Variants in DIAPH2 observed in about 807,000 individuals in gnomAD.
DIAPH2 encodes diaphanous related formin 2.
A neutral mutation model predicts 92.7 loss-of-function variants in DIAPH2; 35 were observed. The ratio of observed to expected loss-of-function variants is 0.38; its 90% CI spans 0.29 to 0.50. The LOEUF is 0.50. Among genes scored for constraint, DIAPH2 ranks in the 20% least tolerant of loss-of-function variants. The pLI is 0.94. For synonymous variants in DIAPH2, 301 were observed against 280.4 expected (o/e 1.07, Z -0.73); for missense variants, 701 against 819.5 (o/e 0.86, Z 1.77).
chrX:96,832,633 A>G (rs1174358658), intron 4 of DIAPH2, among the ~76,000 whole-genome samples: 2 of 111,341 alleles, frequency 1.8e-5, no homozygotes, highest in Admixed American at 9.6e-5. Flanking sequence ...ATCATTTTGT[A>G]TTTGGATAGA....
At position 96,957,996 on chromosome X, in the gene DIAPH2, C is replaced by T. The variant is rs771372184; in HGVS notation, c.1783C>T (p.Pro595Ser). 16 of 1,208,020 alleles carry T rather than the reference C, an allele frequency of 1.3e-5. No homozygotes were observed. The highest frequency in any genetic ancestry group is 1.8e-5 in the Non-Finnish European group (16 of 894,552). Residue 595 changes from proline (P) to serine (S), a missense_variant, in exon 16 of 27, where the codon CCA becomes TCA. Transcript: ENST00000324765. ...AATGATGGGGATACCACCACCACCC[C>T]CACCACCACTTTTATTTGGGGGACC... ...PGMMGIPPPPPPPLLFGGPPP... is the reference protein window; with the variant it reads ...PGMMGIPPPPSPPLLFGGPPP...
chrX:97,552,191 A>G (rs1025440294), intron 26 of DIAPH2, among the ~76,000 whole-genome samples: 1 of 112,078 alleles, frequency 8.9e-6, no homozygotes, highest in Admixed American at 9.5e-5. Context: ...CTTAAGGGGA[A>G]AAAAGTTCCC....
chrX:97,438,394 C>A, intron 26 of DIAPH2, among the ~76,000 whole-genome samples: 1 of 68,158 alleles, frequency 1.5e-5, no homozygotes, highest in East Asian at 5.6e-4. Flanking sequence ...GAGACAGGGT[C>A]TGACTCTGTC....
At chrX:97,562,017 T>C (rs751928537) in intron 26 of DIAPH2, among the ~76,000 whole-genome samples, 2 of 112,110 alleles carry the variant, frequency 1.8e-5, no homozygotes, top group Admixed American at 1.9e-4. Flanking sequence ...AGAGGGTCTA[T>C]CTGTAAATAA....
rs1197611706 is a variant in DIAPH2 at position 96,688,479 on chromosome X, T to C, written c.132+3289T>C. 2.7e-5 allele frequency among the ~76,000 whole-genome samples: 3 copies of C among 111,352 alleles called. No individual in the cohort carries two copies. The East Asian group carries it at 8.5e-4, about 32-fold the overall frequency. ...CCTCCCTAGCAGCTGGGATTACAGGTGTGCACCACCAGGCCCAGCTAATCT... is the reference window on the plus strand; with the variant it reads ...CCTCCCTAGCAGCTGGGATTACAGGCGTGCACCACCAGGCCCAGCTAATCT... On this transcript the variant is annotated intron_variant, in intron 1 of 26. Transcript: ENST00000324765.
intron 7 of DIAPH2, among the ~76,000 whole-genome samples, chrX:96,914,069 A>G (rs1273653514): frequency 9.0e-6 from 1 of 110,937 alleles, no homozygotes; most frequent in Non-Finnish European, 1.9e-5. Context: ...ATGCAATAAG[A>G]TTATATATTA....
intron 17 of DIAPH2, among the ~76,000 whole-genome samples, chrX:97,052,991 T>C (rs982193360): frequency 2.7e-5 from 3 of 111,529 alleles, no homozygotes; most frequent in Non-Finnish European, 5.7e-5. Flanking sequence ...AGAAGATTTT[T>C]ACTTTCTCCA....
chrX:96,697,344 A>C (rs755044719), intron 1 of DIAPH2, among the ~76,000 whole-genome samples: 2 of 109,575 alleles, frequency 1.8e-5, no homozygotes, highest in South Asian at 8.0e-4. Flanking sequence ...AGGTGAATTT[A>C]GAATTGAAGA....
intron 26 of DIAPH2, among the ~76,000 whole-genome samples, chrX:97,544,751 A>G (rs1028242463): frequency 1.8e-5 from 2 of 112,353 alleles, no homozygotes; most frequent in African/African-American, 3.2e-5. Context: ...GTGGCACTCT[A>G]TAAGTTGTCT....
intron 20 of DIAPH2, among the ~76,000 whole-genome samples, chrX:97,111,343 T>C (rs1199793215): frequency 8.9e-6 from 1 of 112,046 alleles, no homozygotes; most frequent in Admixed American, 9.5e-5. Flanking sequence ...TAGTTGCTGC[T>C]AAGCTACACC....
At chrX:97,454,355 T>C (rs1602600269) in intron 26 of DIAPH2, among the ~76,000 whole-genome samples, 1 of 110,606 alleles carries the variant, frequency 9.0e-6, no homozygotes, top group African/African-American at 3.3e-5. Context: ...AAAAGCAGAA[T>C]ACAGACTGTA....
chrX:97,502,000 G>A (rs1390776675), intron 26 of DIAPH2, among the ~76,000 whole-genome samples: 1 of 111,101 alleles, frequency 9.0e-6, no homozygotes, highest in African/African-American at 3.3e-5. Flanking sequence ...ACAGGGTTTC[G>A]CCATGTTGGC....
intron 17 of DIAPH2, among the ~76,000 whole-genome samples, chrX:96,977,885 T>G (rs2065972055): frequency 9.0e-6 from 1 of 111,618 alleles, no homozygotes; most frequent in Admixed American, 9.5e-5. Context: ...CATTTCGCCA[T>G]GTTGGCCAGG....
intron 21 of DIAPH2, among the ~76,000 whole-genome samples, chrX:97,139,598 G>T (rs1434324042): frequency 2.7e-5 from 3 of 110,363 alleles, no homozygotes; most frequent in Non-Finnish European, 5.7e-5. Flanking sequence ...AGAAATACAT[G>T]CATAGTCTGT....
chrX:97,384,639 G>A (rs1295550417), intron 25 of DIAPH2, among the ~76,000 whole-genome samples: 1 of 111,024 alleles, frequency 9.0e-6, no homozygotes, highest in Non-Finnish European at 1.9e-5. Context: ...GACCGAGGCG[G>A]GAGGGTCGCT....
At chrX:96,817,309 A>G in intron 4 of DIAPH2, among the ~76,000 whole-genome samples, 1 of 111,282 alleles carries the variant, frequency 9.0e-6, no homozygotes, top group South Asian at 3.8e-4. Flanking sequence ...TATGCACTGC[A>G]CGCCCGTATC....
intron 5 of DIAPH2, chrX:96,884,979 C>G (rs780514756): frequency 8.3e-6 from 10 of 1,210,960 alleles, no homozygotes; most frequent in Non-Finnish European, 1.1e-5. Flanking sequence ...TCCATGAGCT[C>G]CGGGCTCAGC....
chrX:97,453,575 C>A (rs892639852), intron 26 of DIAPH2, among the ~76,000 whole-genome samples: 3 of 111,290 alleles, frequency 2.7e-5, no homozygotes, highest in African/African-American at 9.8e-5. Context: ...CAAAGATGGA[C>A]CTTACCCCAA....
At chrX:97,511,407 T>C (rs7391161) in intron 26 of DIAPH2, among the ~76,000 whole-genome samples, 1 of 96,083 alleles carries the variant, frequency 1.0e-5, no homozygotes, top group East Asian at 3.5e-4. Flanking sequence ...GGAGATTTTG[T>C]GCTGAGACAA....
Sources: gnomAD v4.1 joint callset for allele counts (sites outside exome capture counted in the v4.1 genomes callset) on GRCh38, gnomAD v4.1.1 for gene constraint, MANE v1.5 for transcripts, NCBI Gene and HGNC (gene_info 2026-07-23, HGNC 2026-07-21) for gene names.